Variants in IGF1 observed in about 807,000 individuals in gnomAD.
IGF1 encodes insulin like growth factor 1, also known as insulin-like growth factor 1.
In IGF1, 4 loss-of-function variants were observed where a neutral mutation model predicts 13.8. That is an observed-to-expected ratio of 0.29 (90% CI 0.14 to 0.66). IGF1 has a LOEUF of 0.66. IGF1 is among the 30% of genes least tolerant of loss of function. IGF1 has a pLI of 0.78. For synonymous variants in IGF1, 76 were observed against 72.6 expected (o/e 1.05, Z -0.23); for missense variants, 124 against 188.5 (o/e 0.66, Z 2.00).
intron 3 of IGF1, among the ~76,000 whole-genome samples, chr12:102,414,982 G>A (rs1202622492): frequency 1.3e-5 from 2 of 152,186 alleles, no homozygotes; most frequent in Non-Finnish European, 2.9e-5. Context: ...AGTAATAGGT[G>A]TATAATATTC....
intron 1 of IGF1, chr12:102,478,551 G>C (rs768397811): frequency 6.2e-7 from 1 of 1,606,060 alleles, no homozygotes; most frequent in South Asian, 1.1e-5. Flanking sequence ...GTATTATGAG[G>C]CCGATGTGAA....
At chr12:102,451,582 A>G (rs1878937397) in intron 2 of IGF1, among the ~76,000 whole-genome samples, 1 of 152,256 alleles carries the variant, frequency 6.6e-6, no homozygotes, top group South Asian at 2.1e-4. Context: ...TGAGAAAGAT[A>G]TTCCAACCAT....
intron 2 of IGF1, among the ~76,000 whole-genome samples, chr12:102,455,022 G>A (rs1036346922): frequency 2.6e-5 from 4 of 152,216 alleles, no homozygotes; most frequent in Admixed American, 2.0e-4. Context: ...GTGGGGGAAG[G>A]GAAAGGGAAG....
chr12:102,419,361 A>G (rs1875461999), intron 3 of IGF1, 148 bp downstream of exon 3: 1 of 695,964 alleles, frequency 1.4e-6, no homozygotes, highest in African/African-American at 1.8e-5. Context: ...GACCAAAGAG[A>G]TGGGGATGTA....
chr12:102,452,261 CAAAA>C (rs538007224), intron 2 of IGF1, among the ~76,000 whole-genome samples: 10 of 42,158 alleles, frequency 2.4e-4, no homozygotes, highest in Admixed American at 4.1e-4. Context: ...GACTCCGTCT[CAAAA>C]AAAAAAAAAA....
chr12:102,450,834 A>C (rs1196007238), intron 2 of IGF1, among the ~76,000 whole-genome samples: 1 of 152,208 alleles, frequency 6.6e-6, no homozygotes, highest in East Asian at 1.9e-4. Flanking sequence ...CAGAGGAAGG[A>C]TCTTGGGTCA....
intron 3 of IGF1, among the ~76,000 whole-genome samples, chr12:102,403,240 A>G (rs752599945): frequency 1.3e-5 from 2 of 152,166 alleles, no homozygotes; most frequent in Non-Finnish European, 2.9e-5. Flanking sequence ...AGGATCAAAG[A>G]TTAAATAATT....
intron 2 of IGF1, among the ~76,000 whole-genome samples, chr12:102,441,915 CCTTCTTCTT>C (rs57084343): frequency 1.3e-4 from 16 of 122,142 alleles, no homozygotes; most frequent in South Asian, 1.1e-3. Context: ...TGCTTCTTCT[CCTTCTTCTT>C]CTTCTTCTTC....
intron 2 of IGF1, among the ~76,000 whole-genome samples, chr12:102,435,123 G>T (rs1877110583): frequency 6.6e-6 from 1 of 152,202 alleles, no homozygotes; most frequent in African/African-American, 2.4e-5. Flanking sequence ...ATTTTAAAGT[G>T]CACAAGAAAA....
At chr12:102,455,174 A>G (rs750527586) in intron 2 of IGF1, among the ~76,000 whole-genome samples, 3 of 152,264 alleles carry the variant, frequency 2.0e-5, no homozygotes, top group Non-Finnish European at 2.9e-5. Flanking sequence ...AGGTTTCACA[A>G]GAATGATCCT....
At chr12:102,455,428 C>A (rs1056323461) in intron 2 of IGF1, among the ~76,000 whole-genome samples, 1 of 152,194 alleles carries the variant, frequency 6.6e-6, no homozygotes, top group African/African-American at 2.4e-5. Flanking sequence ...AGTTAGAACC[C>A]AGACTTTCCA....
intron 2 of IGF1, among the ~76,000 whole-genome samples, chr12:102,441,950 T>TTCTTCTTCTTCTTCTTCCTCTTCC (rs1877861259): frequency 7.0e-6 from 1 of 143,418 alleles, no homozygotes; most frequent in Non-Finnish European, 1.5e-5. Flanking sequence ...CTTCTTCTTC[T>TTCTTCTTCTTCTTCTTCCTCTTCC]TCTTCTTTTT....
At chr12:102,464,443 T>TAA (rs1394979917) in intron 2 of IGF1, among the ~76,000 whole-genome samples, 1 of 148,376 alleles carries the variant, frequency 6.7e-6, no homozygotes, top group Admixed American at 6.8e-5. Context: ...AATCAAGAAA[T>TAA]TTTATTAAGT....
chr12:102,425,873 G>A (rs918531401), intron 2 of IGF1, among the ~76,000 whole-genome samples: 6 of 152,196 alleles, frequency 3.9e-5, no homozygotes, highest in Non-Finnish European at 8.8e-5. Flanking sequence ...CCAGGGCTTG[G>A]AGGAGATAGA....
intron 2 of IGF1, among the ~76,000 whole-genome samples, chr12:102,447,001 G>A (rs1878401292): frequency 6.6e-6 from 1 of 152,130 alleles, no homozygotes; most frequent in Admixed American, 6.5e-5. Context: ...TCATTCAGGA[G>A]CAGGTTGTTC....
In IGF1 at chr12:102,397,654, A is replaced by T. The variant is rs1451494902; in HGVS notation, c.*4853T>A. 6.6e-6 allele frequency: 1 copy of T among 152,228 alleles called. No homozygotes were observed. The highest frequency in any genetic ancestry group is 1.5e-5 in the Non-Finnish European group (1 of 68,046). 9.4% of individuals were successfully genotyped at this position (152,228 alleles called of 1,614,324 possible). On this transcript the variant is annotated 3_prime_UTR_variant, in exon 4 of 4. Coordinates refer to ENST00000337514, the MANE Select transcript of IGF1 (RefSeq NM_000618.5). Reference sequence around the variant, plus strand: ...TGAAAACAAAACAAAATCCAAAACCAAGAATCAACAACATTTTCCTTTTGT... The same window carrying T: ...TGAAAACAAAACAAAATCCAAAACCTAGAATCAACAACATTTTCCTTTTGT...
At chr12:102,406,133 C>T (rs921270076) in intron 3 of IGF1, among the ~76,000 whole-genome samples, 1 of 152,196 alleles carries the variant, frequency 6.6e-6, no homozygotes, top group East Asian at 1.9e-4. Context: ...GCTGGGATAT[C>T]GTCTGGTTTG....
At chr12:102,476,255 A>G (rs1458280421) in intron 1 of IGF1, among the ~76,000 whole-genome samples, 2 of 152,240 alleles carry the variant, frequency 1.3e-5, no homozygotes, top group African/African-American at 4.8e-5. Flanking sequence ...TTGGCCATCC[A>G]TAGATGGTAT....
chr12:102,430,465 C>T (rs1876639715), intron 2 of IGF1, among the ~76,000 whole-genome samples: 1 of 152,162 alleles, frequency 6.6e-6, no homozygotes, highest in Non-Finnish European at 1.5e-5. Flanking sequence ...GGTATTGTAG[C>T]AGCTTCCATA....
Sources: gnomAD v4.1 joint callset for allele counts (sites outside exome capture counted in the v4.1 genomes callset) on GRCh38, gnomAD v4.1.1 for gene constraint, MANE v1.5 for transcripts, NCBI Gene and HGNC (gene_info 2026-07-23, HGNC 2026-07-21) for gene names.